Variants in THSD7A observed in about 807,000 individuals in gnomAD.
The protein encoded by THSD7A is thrombospondin type 1 domain containing 7A, also known as thrombospondin type-1 domain-containing protein 7A.
A neutral mutation model predicts 231.3 loss-of-function variants in THSD7A; 96 were observed. The ratio of observed to expected loss-of-function variants is 0.41; its 90% CI spans 0.35 to 0.49. The LOEUF is 0.49. Ranked by LOEUF, THSD7A falls within the 20% of genes least tolerant of loss-of-function variation. The pLI is 0.05. For synonymous variants in THSD7A, 940 were observed against 743.3 expected, an observed-to-expected ratio of 1.26 and a Z score of -4.30; for missense variants, 2,290 against 2,070.2, an observed-to-expected ratio of 1.11 and a Z score of -2.06.
chr7:11,527,264 GACA>G (rs1157951831), intron 6 of THSD7A, among the ~76,000 whole-genome samples: 1 of 152,000 alleles, frequency 6.6e-6, no homozygotes, highest in Non-Finnish European at 1.5e-5. Context: ...AATATTTTGT[GACA>G]ACATGTCATT....
In THSD7A at chr7:11,390,735, A is replaced by G. The variant is rs567006227; in HGVS notation, c.4412-8119T>C. ...TCTCCCCATCTTCGTGGATTTATCT[A>G]CCATTGGTGTTTGATTTTGGTGACC... On this transcript the variant is annotated intron_variant, in intron 23 of 27. Transcript: ENST00000423059. Among the ~76,000 whole-genome samples the G allele has an allele frequency of 9.2e-5, 14 of 152,284 alleles. No individual in the cohort carries two copies. In the South Asian group the frequency reaches 2.7e-3, roughly 29 times the overall value.
At chr7:11,630,357 T>C (rs1017568238) in intron 2 of THSD7A, among the ~76,000 whole-genome samples, 1 of 152,198 alleles carries the variant, frequency 6.6e-6, no homozygotes, top group African/African-American at 2.4e-5. Context: ...GTATTATTCA[T>C]TACTCTCTGA....
At chr7:11,791,662 G>A (rs749730360) in intron 1 of THSD7A, among the ~76,000 whole-genome samples, 5 of 151,942 alleles carry the variant, frequency 3.3e-5, no homozygotes, top group Non-Finnish European at 7.4e-5. Context: ...CGAAAAGAGA[G>A]CATAACCTAT....
At chr7:11,477,028 A>T (rs1018977769) in intron 7 of THSD7A, among the ~76,000 whole-genome samples, 10 of 152,146 alleles carry the variant, frequency 6.6e-5, no homozygotes, top group Non-Finnish European at 1.5e-4. Flanking sequence ...ATTCTCCTAT[A>T]CATAAGCAAT....
intron 1 of THSD7A, among the ~76,000 whole-genome samples, chr7:11,731,572 A>C (rs976639458): frequency 6.6e-6 from 1 of 151,432 alleles, no homozygotes; most frequent in South Asian, 2.1e-4. Context: ...TCTCAAGACA[A>C]TTTTTTACTG....
chr7:11,580,005 G>C (rs1258450978), intron 4 of THSD7A, among the ~76,000 whole-genome samples: 1 of 152,158 alleles, frequency 6.6e-6, no homozygotes, highest in Non-Finnish European at 1.5e-5. Context: ...CCCTGGCAGA[G>C]ATGTTAGTGA....
At chr7:11,581,160 A>G (rs1289708210) in intron 4 of THSD7A, among the ~76,000 whole-genome samples, 6 of 152,076 alleles carry the variant, frequency 3.9e-5, no homozygotes, top group Non-Finnish European at 8.8e-5. Flanking sequence ...AATAATTAAT[A>G]TAATGTCTTA....
chr7:11,378,923 G>A, intron 26 of THSD7A, 147 bp downstream of exon 26: 1 of 684,852 alleles, frequency 1.5e-6, no homozygotes, highest in Non-Finnish European at 2.4e-6. Context: ...GTAAAAAATT[G>A]AAGAATAGAT....
intron 13 of THSD7A, among the ~76,000 whole-genome samples, chr7:11,435,260 A>C (rs1477894861): frequency 6.6e-6 from 1 of 152,054 alleles, no homozygotes; most frequent in Non-Finnish European, 1.5e-5. Flanking sequence ...ATAATAAAGA[A>C]TTTGCCTGGC....
chr7:11,555,829 A>G (rs1789821883), intron 4 of THSD7A, among the ~76,000 whole-genome samples: 1 of 151,730 alleles, frequency 6.6e-6, no homozygotes, highest in South Asian at 2.1e-4. Flanking sequence ...ATTATATAAT[A>G]TCTTTCTCTG....
In THSD7A at chr7:11,411,200, C is replaced by T; in HGVS notation, c.3798+7G>A. The T allele has an allele frequency of 6.2e-7, 1 of 1,602,482 alleles. No individual in the cohort carries two copies. Among genetic ancestry groups the T allele is most frequent in the South Asian group, 1.1e-5 (1 of 90,530 alleles). ...ACTCGCGAAGATATAACACAGCATCCACCTACCGCTTCACAATATTTCAGG... is the reference window on the plus strand; with the variant it reads ...ACTCGCGAAGATATAACACAGCATCTACCTACCGCTTCACAATATTTCAGG... On this transcript the variant is annotated splice_region_variant and intron_variant, in intron 19 of 27. Coordinates refer to ENST00000423059, the MANE Select transcript of THSD7A (RefSeq NM_015204.3). The surrounding 1 kb of genome is among the most constrained non-coding windows in gnomAD (Gnocchi z 4.1).
chr7:11,629,751 T>C, intron 2 of THSD7A, among the ~76,000 whole-genome samples: 1 of 152,226 alleles, frequency 6.6e-6, no homozygotes. Flanking sequence ...TGTTTCAGTA[T>C]GAACTGATCT....
chr7:11,740,423 A>G (rs1016687639), intron 1 of THSD7A, among the ~76,000 whole-genome samples: 17 of 151,972 alleles, frequency 1.1e-4, no homozygotes, highest in African/African-American at 4.1e-4. Context: ...GCTCCCTTAC[A>G]TCTGTAACAC....
At chr7:11,818,011 AC>A (rs1309871455) in intron 1 of THSD7A, among the ~76,000 whole-genome samples, 8 of 152,164 alleles carry the variant, frequency 5.3e-5, no homozygotes, top group Admixed American at 5.2e-4. Context: ...AATACAGTGG[AC>A]CTCTGTAACG....
intron 1 of THSD7A, among the ~76,000 whole-genome samples, chr7:11,656,240 T>C (rs934676103): frequency 1.3e-5 from 2 of 151,898 alleles, no homozygotes; most frequent in Non-Finnish European, 2.9e-5. Context: ...GACAAATGCT[T>C]TACATATTGA....
In THSD7A at chr7:11,446,433, T is replaced by C. The variant is rs185064988; in HGVS notation, c.2801-109A>G. 697 of 1,201,250 alleles carry C rather than the reference T, an allele frequency of 5.8e-4. 4 individuals carry two copies. The African/African-American group carries it at 9.8e-3, about 17-fold the overall frequency. The allele number at this position is 1,201,250 out of a possible 1,614,324, so 74.4% of individuals were successfully genotyped here. A position where few individuals can be genotyped will look rare whatever the true frequency, so the allele number is the denominator to read the frequency against. On this transcript the variant is annotated intron_variant, in intron 12 of 27. Transcript: ENST00000423059. This position sits in a 1 kb window ranked among gnomAD's most constrained non-coding sequence, Gnocchi z 4.0. Reference sequence around the variant, plus strand: ...ATTTCTTTTTCTTCATTTTTAACCATATTTAACAGTAGCCTATAAATCAAT... The same window carrying C: ...ATTTCTTTTTCTTCATTTTTAACCACATTTAACAGTAGCCTATAAATCAAT...
chr7:11,801,040 G>T (rs770685459), intron 1 of THSD7A, among the ~76,000 whole-genome samples: 1 of 152,024 alleles, frequency 6.6e-6, no homozygotes, highest in African/African-American at 2.4e-5. Flanking sequence ...GATGGCTCAC[G>T]CCTGTAATCC....
chr7:11,604,430 T>C (rs771375060), intron 2 of THSD7A, among the ~76,000 whole-genome samples: 40 of 152,162 alleles, frequency 2.6e-4, no homozygotes, highest in South Asian at 6.2e-4. Context: ...TATCTATCCA[T>C]GTATTTGTTT....
chr7:11,707,134 C>G (rs1358168), intron 1 of THSD7A, among the ~76,000 whole-genome samples: 94,734 of 150,488 alleles, frequency 0.63, 30,029 homozygotes, highest in South Asian at 0.7. Context: ...ATTCCTTTCT[C>G]TCCCTGAGTG....
Sources: allele counts gnomAD v4.1 joint callset (sites outside exome capture counted in the v4.1 genomes callset), GRCh38; gene constraint gnomAD v4.1.1; non-coding constraint Gnocchi (gnomAD v3.1); transcripts MANE v1.5; gene names NCBI Gene and HGNC (gene_info 2026-07-23, HGNC 2026-07-21).